Variants in ARL15 observed in about 807,000 individuals in gnomAD.
ARL15 encodes ARF like GTPase 15.
ARL15 carries 19 observed loss-of-function variants against 25.2 expected under a neutral mutation model. The observed-to-expected ratio is 0.75, with a 90% confidence interval of 0.53 to 1.10. The LOEUF is 1.10. Ranked by LOEUF, ARL15 falls within the 50% of genes least tolerant of loss-of-function variation. ARL15 has a pLI of 0.00. For synonymous variants in ARL15, 94 were observed against 86.8 expected (o/e 1.08, Z -0.46); for missense variants, 220 against 246.0 (o/e 0.89, Z 0.71).
At position 53,886,420 on chromosome 5, in the gene ARL15, A is replaced by C. The variant is rs1294073513; in HGVS notation, c.*141T>G. The C allele has an allele frequency of 1.2e-6, 1 of 849,754 alleles. No individual in the cohort carries two copies. Among genetic ancestry groups the C allele is most frequent in the Non-Finnish European group, 1.8e-6 (1 of 566,746 alleles). The allele number at this position is 849,754 out of a possible 1,614,324, so 52.6% of individuals were successfully genotyped here. A position where few individuals can be genotyped will look rare whatever the true frequency, so the allele number is the denominator to read the frequency against. ...ATCTGATCTACAGAATATTCACTTT[A>C]ATAGAGAGATGAGAGTCTGAAATGA... On this transcript the variant is annotated 3_prime_UTR_variant, in exon 5 of 5. Coordinates refer to ENST00000504924, the MANE Select transcript of ARL15 (RefSeq NM_019087.3).
At chr5:54,017,826 G>T (rs1182930242) in intron 4 of ARL15, among the ~76,000 whole-genome samples, 1 of 151,860 alleles carries the variant, frequency 6.6e-6, no homozygotes, top group Admixed American at 6.6e-5. Flanking sequence ...TTAAGCAATA[G>T]ACAAAAGACA....
rs531273437 is a variant in ARL15 at position 54,101,829 on chromosome 5, TC to T, written c.462+11372del. ...CCAGTGTTAAGAAAACAGAAAAATG[TC>T]CCAACTTATACTTAAAGAAAAACAT... On this transcript the variant is annotated intron_variant, in intron 4 of 4. Transcript: ENST00000504924. Among the ~76,000 whole-genome samples, 55 of 152,160 alleles carry T rather than the reference TC, an allele frequency of 3.6e-4. 1 individual carries two copies. The South Asian group carries it at 0.011, about 32-fold the overall frequency.
intron 4 of ARL15, among the ~76,000 whole-genome samples, chr5:53,922,350 A>C (rs1175457805): frequency 1.3e-5 from 2 of 152,298 alleles, no homozygotes; most frequent in East Asian, 3.9e-4. Flanking sequence ...CCAATAGTTC[A>C]CCGTAAAAGG....
chr5:54,062,527 A>AAAAC (rs1554037615), intron 4 of ARL15, among the ~76,000 whole-genome samples: 3 of 151,694 alleles, frequency 2.0e-5, no homozygotes, highest in African/African-American at 7.3e-5. Flanking sequence ...GAAAAAAAAA[A>AAAAC]AAAAAACAAC....
chr5:54,172,455 A>G (rs147477812), intron 1 of ARL15, among the ~76,000 whole-genome samples: 395 of 152,306 alleles, frequency 2.6e-3, no homozygotes, highest in Non-Finnish European at 4.6e-3. Context: ...TATTGAGACA[A>G]TAAGTGAACA....
In ARL15 at chr5:54,163,355, GCTTT is replaced by G. The variant is rs1364302222; in HGVS notation, c.193+8425_193+8428del. 8.0e-3 allele frequency among the ~76,000 whole-genome samples: 409 copies of G among 51,318 alleles called. 118 individuals are homozygous for G. The highest frequency in any genetic ancestry group is 9.4e-3 in the Admixed American group (44 of 4,678). The allele number at this position is 51,318 out of a possible 152,430, so 33.7% of individuals were successfully genotyped here. ...TGTCCATGAGGGCTATTGGTATGAA[GCTTT>G]TTTTTTTTTTTTTTTTTTTTTTTTT... On this transcript the variant is annotated intron_variant, in intron 2 of 4. Coordinates refer to ENST00000504924, the MANE Select transcript of ARL15 (RefSeq NM_019087.3).
chr5:54,143,904 T>C (rs1753836306), intron 3 of ARL15, among the ~76,000 whole-genome samples: 1 of 152,056 alleles, frequency 6.6e-6, no homozygotes, highest in Admixed American at 6.5e-5. Flanking sequence ...ATCATGTTTA[T>C]TCTTAATTGC....
intron 4 of ARL15, among the ~76,000 whole-genome samples, chr5:53,992,140 T>C (rs1291128397): frequency 1.3e-5 from 2 of 152,202 alleles, no homozygotes; most frequent in Non-Finnish European, 2.9e-5. Context: ...AAAAGGAATG[T>C]AGCGCCATCT....
At chr5:54,164,398 T>C (rs528081342) in intron 2 of ARL15, among the ~76,000 whole-genome samples, 93 of 152,192 alleles carry the variant, frequency 6.1e-4, no homozygotes, top group Non-Finnish European at 5.4e-4. Flanking sequence ...GTTAGTGTTG[T>C]TGAAGTCTGC....
rs563781694 is a variant in ARL15, at chr5:54,097,157, A to C, written c.462+16045T>G. Among the ~76,000 whole-genome samples, 3 of 152,340 alleles carry C rather than the reference A, an allele frequency of 2.0e-5. No individual in the cohort carries two copies. In the East Asian group the frequency reaches 5.8e-4, roughly 29 times the overall value. ...TGGTGAAACCTCGTCTGTACTAAAA[A>C]TAGAAAACAATTAACTGGGTTTGAT... is the stretch of plus-strand genomic sequence containing the variant. On this transcript the variant is annotated intron_variant, in intron 4 of 4. Coordinates refer to ENST00000504924, the MANE Select transcript of ARL15 (RefSeq NM_019087.3).
At chr5:54,139,430 A>G (rs1328893875) in intron 3 of ARL15, among the ~76,000 whole-genome samples, 1 of 152,190 alleles carries the variant, frequency 6.6e-6, no homozygotes, top group Non-Finnish European at 1.5e-5. Flanking sequence ...ACCAAATACT[A>G]TATGTTCTTA....
intron 1 of ARL15, among the ~76,000 whole-genome samples, chr5:54,179,283 C>T (rs1228451045): frequency 2.6e-5 from 4 of 152,110 alleles, no homozygotes; most frequent in Non-Finnish European, 5.9e-5. Context: ...CAGGGTTATT[C>T]CACTCCAGAG....
intron 4 of ARL15, among the ~76,000 whole-genome samples, chr5:54,015,352 C>T (rs76894634): frequency 0.034 from 5,173 of 151,882 alleles, 104 homozygotes; most frequent in Non-Finnish European, 0.056. Flanking sequence ...CACAAATGTT[C>T]CCAAACCTGA....
intron 1 of ARL15, among the ~76,000 whole-genome samples, chr5:54,191,489 TA>T (rs35882974): frequency 0.48 from 72,453 of 151,674 alleles, 18,888 homozygotes; most frequent in African/African-American, 0.69. Flanking sequence ...TTTACAAAAA[TA>T]AAAAAAAATT....
chr5:53,944,550 C>G (rs951755667), intron 4 of ARL15, among the ~76,000 whole-genome samples: 1 of 152,198 alleles, frequency 6.6e-6, no homozygotes, highest in African/African-American at 2.4e-5. Flanking sequence ...TGTGATCATG[C>G]CACTGCACTC....
intron 2 of ARL15, among the ~76,000 whole-genome samples, chr5:54,170,286 A>T (rs1754677478): frequency 6.6e-6 from 1 of 152,040 alleles, no homozygotes; most frequent in Non-Finnish European, 1.5e-5. Context: ...TCATCATCTC[A>T]GTTGCACCAT....
At chr5:54,173,091 G>A (rs1224763009) in intron 1 of ARL15, among the ~76,000 whole-genome samples, 1 of 151,652 alleles carries the variant, frequency 6.6e-6, no homozygotes, top group African/African-American at 2.4e-5. Context: ...ACTGAGGCAG[G>A]AGAATCACTT....
intron 4 of ARL15, among the ~76,000 whole-genome samples, chr5:53,901,095 C>A (rs1745051362): frequency 6.6e-6 from 1 of 152,186 alleles, no homozygotes; most frequent in Non-Finnish European, 1.5e-5. Context: ...CCATACATAA[C>A]ATAGTCGTTA....
chr5:54,065,216 T>C (rs1751184273), intron 4 of ARL15, among the ~76,000 whole-genome samples: 2 of 152,240 alleles, frequency 1.3e-5, no homozygotes, highest in African/African-American at 2.4e-5. Flanking sequence ...AACTAATCTT[T>C]AAAGTAGGTA....
Sources: allele counts gnomAD v4.1 joint callset (sites outside exome capture counted in the v4.1 genomes callset), GRCh38; gene constraint gnomAD v4.1.1; transcripts MANE v1.5; gene names NCBI Gene and HGNC (gene_info 2026-07-23, HGNC 2026-07-21).